LPCAT1: variants seen among roughly 807,000 people sequenced by gnomAD.
The protein encoded by LPCAT1 is 1-acylglycerol-3-phosphate O-acyltransferase.
In LPCAT1, 23 loss-of-function variants were observed where a neutral mutation model predicts 60.9. That is an observed-to-expected ratio of 0.38 (90% CI 0.27 to 0.53). The LOEUF (loss-of-function observed/expected upper bound fraction) is 0.53. Among genes scored for constraint, LPCAT1 ranks in the 20% least tolerant of loss-of-function variants. LPCAT1 has a pLI of 0.82. For synonymous variants in LPCAT1, 340 were observed against 301.1 expected, an observed-to-expected ratio of 1.13 and a Z score of -1.34; for missense variants, 622 against 723.6, an observed-to-expected ratio of 0.86 and a Z score of 1.61.
Position 1,477,260 on chromosome 5 carries a change from G to T in LPCAT1, c.899+144C>A. 1 of 663,712 alleles carries T rather than the reference G, an allele frequency of 1.5e-6. No individual in the cohort carries two copies. The highest frequency in any genetic ancestry group is 1.8e-5 in the African/African-American group (1 of 55,806). 41.1% of individuals were successfully genotyped at this position (663,712 alleles called of 1,614,324 possible). On this transcript the variant is annotated intron_variant, in intron 9 of 13. Transcript: ENST00000283415. The surrounding 1 kb of genome is among the most constrained non-coding windows in gnomAD (Gnocchi z 6.0). ...GGGCGCACAGCACAAGGCCAAGCACGCTTCACCAACATGCATGAAGCTGGT... is the reference window on the plus strand; with the variant it reads ...GGGCGCACAGCACAAGGCCAAGCACTCTTCACCAACATGCATGAAGCTGGT...
At chr5:1,464,541 C>G (rs1308856336) in intron 13 of LPCAT1, among the ~76,000 whole-genome samples, 1 of 152,212 alleles carries the variant, frequency 6.6e-6, no homozygotes, top group Non-Finnish European at 1.5e-5. Context: ...AAAATGGAAA[C>G]AAGCGCACGC....
chr5:1,487,025 A>C lies in LPCAT1; in HGVS notation c.667+1366T>G, dbSNP rs1011360526. On this transcript the variant is annotated intron_variant, in intron 5 of 13. Transcript: ENST00000283415. The surrounding 1 kb of genome is among the most constrained non-coding windows in gnomAD (Gnocchi z 6.1). Reference sequence around the variant, plus strand: ...CACACGCCCTCCTCACGTCTACACAAGGGCCGCCAGCTCCAAAGGGCAAGG... The same window carrying C: ...CACACGCCCTCCTCACGTCTACACACGGGCCGCCAGCTCCAAAGGGCAAGG... Among the ~76,000 whole-genome samples the C allele has an allele frequency of 3.2e-4, 49 of 152,300 alleles. No individual in the cohort carries two copies. Among genetic ancestry groups the C allele is most frequent in the African/African-American group, 1.0e-3 (43 of 41,576 alleles).
At position 1,522,027 on chromosome 5, in the gene LPCAT1, T is replaced by C. The variant is rs894407685; in HGVS notation, c.135+1683A>G. Among the ~76,000 whole-genome samples the C allele has an allele frequency of 1.3e-5, 2 of 151,924 alleles. No homozygotes were observed. The highest frequency in any genetic ancestry group is 1.5e-5 in the Non-Finnish European group (1 of 67,964). Reference sequence around the variant, plus strand: ...CCTCCGGGGACCTCCAGGGAGGGGCTTGATGTTTCCCCCCAGGGAGCCAGG... The same window carrying C: ...CCTCCGGGGACCTCCAGGGAGGGGCCTGATGTTTCCCCCCAGGGAGCCAGG... On this transcript the variant is annotated intron_variant, in intron 1 of 13. Transcript: ENST00000283415. This position sits in a 1 kb window ranked among gnomAD's most constrained non-coding sequence, Gnocchi z 6.8.
chr5:1,474,450 A>C (rs1734814854), intron 10 of LPCAT1, 110 bp downstream of exon 10: 1 of 1,325,052 alleles, frequency 7.5e-7, no homozygotes, highest in African/African-American at 1.5e-5. Flanking sequence ...AGCCAGAATA[A>C]TTAATAATTA....
chr5:1,508,919 AT>A (rs1431935807), intron 1 of LPCAT1, among the ~76,000 whole-genome samples: 2 of 152,260 alleles, frequency 1.3e-5, no homozygotes, highest in Non-Finnish European at 2.9e-5. Flanking sequence ...GCGTTTCACA[AT>A]CAGTGCTGAA....
At chr5:1,492,661 C>T (rs1035177591) in intron 3 of LPCAT1, among the ~76,000 whole-genome samples, 4 of 152,224 alleles carry the variant, frequency 2.6e-5, no homozygotes, top group South Asian at 2.1e-4. Flanking sequence ...CTTCCTGCTG[C>T]GCCGAGATGA....
Position 1,463,097 on chromosome 5 carries a change from T to G in LPCAT1, c.*554A>C, listed in dbSNP as rs1249912405. 6.6e-6 allele frequency: 1 copy of G among 152,370 alleles called. No individual in the cohort carries two copies. The highest frequency in any genetic ancestry group is 1.5e-5 in the Non-Finnish European group (1 of 68,168). The allele number at this position is 152,370 out of a possible 1,614,324, so 9.4% of individuals were successfully genotyped here. ...ACAATTTTCATTTTTTAAAAAATGCTGCATGTTTCCTGAAGTACCTAAATG... is the reference window on the plus strand; with the variant it reads ...ACAATTTTCATTTTTTAAAAAATGCGGCATGTTTCCTGAAGTACCTAAATG... On this transcript the variant is annotated 3_prime_UTR_variant, in exon 14 of 14. Coordinates refer to ENST00000283415, the MANE Select transcript of LPCAT1 (RefSeq NM_024830.5).
rs987844357 is a variant in LPCAT1 at position 1,481,379 on chromosome 5, A to G, written c.727-403T>C. Among the ~76,000 whole-genome samples, 11 of 151,982 alleles carry G rather than the reference A, an allele frequency of 7.2e-5. No individual in the cohort carries two copies. The highest frequency in any genetic ancestry group is 2.7e-4 in the African/African-American group (11 of 41,384). On this transcript the variant is annotated intron_variant, in intron 6 of 13. Coordinates refer to ENST00000283415, the MANE Select transcript of LPCAT1 (RefSeq NM_024830.5). The surrounding 1 kb of genome is among the most constrained non-coding windows in gnomAD (Gnocchi z 7.8). ...ACACCAATTCCAGTGTGCACCCGGGACCCCGGCCCTCTCCTGCCCACCGCT... is the reference window on the plus strand; with the variant it reads ...ACACCAATTCCAGTGTGCACCCGGGGCCCCGGCCCTCTCCTGCCCACCGCT...
chr5:1,497,222 C>A (rs1735827711), intron 2 of LPCAT1, among the ~76,000 whole-genome samples: 1 of 152,204 alleles, frequency 6.6e-6, no homozygotes, highest in African/African-American at 2.4e-5. Flanking sequence ...TGGAGACAAG[C>A]AACTCACAGG....
chr5:1,519,539 G>GA (rs1294102127), intron 1 of LPCAT1, among the ~76,000 whole-genome samples: 13 of 152,212 alleles, frequency 8.5e-5, no homozygotes, highest in Admixed American at 8.5e-4. Flanking sequence ...ATGACTTTGA[G>GA]AAAAAAGCCA....
rs962712579 is a variant in LPCAT1 at position 1,480,812 on chromosome 5, T to C, written c.761+130A>G. The C allele has an allele frequency of 3.6e-6, 4 of 1,121,952 alleles. No individual in the cohort carries two copies. The highest frequency in any genetic ancestry group is 3.4e-5 in the Admixed American group (2 of 59,042). 69.5% of individuals were successfully genotyped at this position (1,121,952 alleles called of 1,614,324 possible). On this transcript the variant is annotated intron_variant, in intron 7 of 13. Coordinates refer to ENST00000283415, the MANE Select transcript of LPCAT1 (RefSeq NM_024830.5). This position sits in a 1 kb window ranked among gnomAD's most constrained non-coding sequence, Gnocchi z 6.4. The stretch of plus-strand genomic sequence containing the variant: ...TGTACGTTTAGTTTTCACAATGGGC[T>C]GAACCTAACGGCTGTCCCACACCTG...
chr5:1,520,860 C>CAAAAAAA (rs59074953), intron 1 of LPCAT1, among the ~76,000 whole-genome samples: 40 of 81,976 alleles, frequency 4.9e-4, no homozygotes, highest in African/African-American at 1.3e-3. Context: ...GAGACTGTCT[C>CAAAAAAA]AAAAAAAAAA....
chr5:1,483,637 A>G lies in LPCAT1; in HGVS notation c.668-151T>C, dbSNP rs1735250495. The G allele has an allele frequency of 1.4e-6, 1 of 721,754 alleles. No homozygotes were observed. The highest frequency in any genetic ancestry group is 1.8e-5 in the African/African-American group (1 of 56,774). The allele number at this position is 721,754 out of a possible 1,614,324, so 44.7% of individuals were successfully genotyped here. ...CACTCCATGCCTGGACTATCTCAAC[A>G]TCTGTCCTGACCGTAAACACCCAGC... On this transcript the variant is annotated intron_variant, in intron 5 of 13. Transcript: ENST00000283415. The surrounding 1 kb of genome is among the most constrained non-coding windows in gnomAD (Gnocchi z 9.2).
Position 1,480,217 on chromosome 5 carries a change from A to C in LPCAT1, c.762-542T>G. 20 of 314,438 alleles carry C rather than the reference A, an allele frequency of 6.4e-5. No individual in the cohort carries two copies. The highest frequency in any genetic ancestry group is 8.7e-5 in the Non-Finnish European group (19 of 218,862). The allele number at this position is 314,438 out of a possible 1,614,324, so 19.5% of individuals were successfully genotyped here. ...CAGCCCTAGGCCCCCGGGACCCCAG[A>C]ACCCCTATACCCCCCAGAGCCCCCT... On this transcript the variant is annotated intron_variant, in intron 7 of 13. Transcript: ENST00000283415. This position sits in a 1 kb window ranked among gnomAD's most constrained non-coding sequence, Gnocchi z 6.4.
chr5:1,523,906 T>G lies in LPCAT1; in HGVS notation c.-62A>C. On this transcript the variant is annotated 5_prime_UTR_variant, in exon 1 of 14. Transcript: ENST00000283415. The surrounding 1 kb of genome is among the most constrained non-coding windows in gnomAD (Gnocchi z 7.1). ...CTGGGGCGCCGAGCGGGGCCGGGGC[T>G]AGCTGGGCGCGGGTCTCGGGGCGCG... is the stretch of plus-strand genomic sequence containing the variant. The G allele has an allele frequency of 1.0e-6, 1 of 999,764 alleles. No individual in the cohort carries two copies. Among genetic ancestry groups the G allele is most frequent in the Non-Finnish European group, 1.2e-6 (1 of 838,716 alleles). The allele number at this position is 999,764 out of a possible 1,614,324, so 61.9% of individuals were successfully genotyped here.
intron 11 of LPCAT1, among the ~76,000 whole-genome samples, chr5:1,473,270 G>A (rs990917794): frequency 2.0e-5 from 3 of 152,212 alleles, no homozygotes; most frequent in Admixed American, 6.5e-5. Context: ...ACACCCTGGC[G>A]TATCACCAGC....
At chr5:1,512,384 C>T (rs768411423) in intron 1 of LPCAT1, among the ~76,000 whole-genome samples, 1 of 152,174 alleles carries the variant, frequency 6.6e-6, no homozygotes, top group East Asian at 1.9e-4. Context: ...AAGAGCAGTC[C>T]CACACTAGAG....
At chr5:1,485,295 A>C (rs1735328745) in intron 5 of LPCAT1, among the ~76,000 whole-genome samples, 1 of 152,136 alleles carries the variant, frequency 6.6e-6, no homozygotes, top group Non-Finnish European at 1.5e-5. Context: ...GAAAGTCTGC[A>C]GGGGTCTCTG....
rs1231750853 is a variant in LPCAT1 at position 1,476,417 on chromosome 5, A to G, written c.899+987T>C. The stretch of plus-strand genomic sequence containing the variant: ...GGGAACGTGAGGGAACGGGCCGCCC[A>G]GCTGAATCTTCAGGGTGTCAGCGGA... On this transcript the variant is annotated intron_variant, in intron 9 of 13. Coordinates refer to ENST00000283415, the MANE Select transcript of LPCAT1 (RefSeq NM_024830.5). This position sits in a 1 kb window ranked among gnomAD's most constrained non-coding sequence, Gnocchi z 8.6. Among the ~76,000 whole-genome samples the G allele has an allele frequency of 6.6e-6, 1 of 152,104 alleles. No homozygotes were observed. Among genetic ancestry groups the G allele is most frequent in the African/African-American group, 2.4e-5 (1 of 41,390 alleles).
Sources: gnomAD v4.1 joint callset for allele counts (sites outside exome capture counted in the v4.1 genomes callset) on GRCh38, gnomAD v4.1.1 for gene constraint, Gnocchi (gnomAD v3.1) non-coding constraint, MANE v1.5 for transcripts, NCBI Gene and HGNC (gene_info 2026-07-23, HGNC 2026-07-21) for gene names.